The following NUBPL variants were observed in gnomAD, a reference collection of about 807,000 sequenced individuals.
NUBPL encodes NUBP iron-sulfur cluster assembly factor, mitochondrial.
A neutral mutation model predicts 45.7 loss-of-function variants in NUBPL; 31 were observed. The observed-to-expected ratio is 0.68, with a 90% CI of 0.51 to 0.92. The LOEUF (loss-of-function observed/expected upper bound fraction) is 0.92, where lower values mean the gene tolerates loss of function less well. Ranked by LOEUF, NUBPL falls within the 40% of genes least tolerant of loss-of-function variation. NUBPL has a pLI of 0.00. For synonymous variants in NUBPL, 144 were observed against 140.9 expected, an observed-to-expected ratio of 1.02 and a Z score of -0.15; for missense variants, 401 against 398.7, an observed-to-expected ratio of 1.01 and a Z score of -0.05.
rs780806870 is a variant in NUBPL at position 31,561,469 on chromosome 14, T to C, written c.30T>C (p.Phe10=). 6 of 1,416,808 alleles carry C rather than the reference T, an allele frequency of 4.2e-6. No individual in the cohort carries two copies. In the Admixed American group the frequency reaches 7.7e-5, roughly 18 times the overall value. 87.8% of individuals were successfully genotyped at this position (1,416,808 alleles called of 1,614,324 possible). Residue 10 remains phenylalanine (F), a synonymous_variant, in exon 1 of 11, where the codon TTT becomes TTC. Coordinates refer to ENST00000281081, the MANE Select transcript of NUBPL (RefSeq NM_025152.3). MGIWQRLLL[F]GGVSLRAGGG... ...GGATTTGGCAGCGTCTGCTGCTTTT[T>C]GGTGGGGTGTCGCTCCGGGCTGGTG...
intron 4 of NUBPL, among the ~76,000 whole-genome samples, chr14:31,658,961 A>G (rs965665381): frequency 6.6e-6 from 1 of 152,232 alleles, no homozygotes; most frequent in Non-Finnish European, 1.5e-5. Flanking sequence ...ATAAATAATC[A>G]TAGAGGATAA....
intron 4 of NUBPL, among the ~76,000 whole-genome samples, chr14:31,600,187 G>C (rs1456187182): frequency 6.6e-6 from 1 of 152,076 alleles, no homozygotes; most frequent in Non-Finnish European, 1.5e-5. Flanking sequence ...CTCAAAAAAT[G>C]CTGGGATTAC....
chr14:31,646,297 G>A (rs2035850634), intron 4 of NUBPL, among the ~76,000 whole-genome samples: 2 of 151,478 alleles, frequency 1.3e-5, no homozygotes. Flanking sequence ...GGCGATTCTT[G>A]TACCTCGGCC....
intron 7 of NUBPL, among the ~76,000 whole-genome samples, chr14:31,822,079 C>CA (rs908977939): frequency 8.7e-5 from 13 of 149,076 alleles, no homozygotes; most frequent in African/African-American, 2.2e-4. Context: ...CTAATGGGTA[C>CA]AAAAAAAAAT....
At chr14:31,711,362 A>T (rs566943042) in intron 6 of NUBPL, among the ~76,000 whole-genome samples, 29 of 152,282 alleles carry the variant, frequency 1.9e-4, no homozygotes, top group Non-Finnish European at 3.4e-4. Context: ...AGTAGCTTTT[A>T]ACTGGCCGAC....
intron 4 of NUBPL, among the ~76,000 whole-genome samples, chr14:31,664,360 T>C (rs1194637411): frequency 6.6e-6 from 1 of 152,218 alleles, no homozygotes; most frequent in Admixed American, 6.5e-5. Flanking sequence ...AGTGTGATAT[T>C]GGCTATGGAT....
intron 4 of NUBPL, among the ~76,000 whole-genome samples, chr14:31,629,773 A>T (rs747220826): frequency 7.9e-5 from 12 of 152,312 alleles, no homozygotes; most frequent in Admixed American, 3.9e-4. Flanking sequence ...CAAAGAGAAC[A>T]TGTCATACTT....
intron 3 of NUBPL, chr14:31,578,058 G>A (rs1289644952): frequency 9.3e-7 from 1 of 1,074,048 alleles, no homozygotes; most frequent in East Asian, 5.9e-5. Context: ...CACTTTGGCA[G>A]AATTCTCCAA....
At chr14:31,760,144 T>TGAGAGAGAGAGAGA (rs1555335613) in intron 6 of NUBPL, among the ~76,000 whole-genome samples, 2 of 34,824 alleles carry the variant, frequency 5.7e-5, no homozygotes, top group Non-Finnish European at 5.4e-5. Context: ...TGTGTGTGTG[T>TGAGAGAGAGAGAGA]GAGAGAGAGA....
intron 4 of NUBPL, among the ~76,000 whole-genome samples, chr14:31,641,375 A>G (rs1240720208): frequency 6.6e-6 from 1 of 151,892 alleles, no homozygotes; most frequent in East Asian, 1.9e-4. Flanking sequence ...ACTACTCTTT[A>G]TCTTCAACAA....
intron 7 of NUBPL, among the ~76,000 whole-genome samples, chr14:31,820,288 A>G (rs1310626156): frequency 6.6e-6 from 1 of 152,196 alleles, no homozygotes; most frequent in Non-Finnish European, 1.5e-5. Context: ...TACAGTCAGT[A>G]GAGAGAGCAC....
intron 4 of NUBPL, among the ~76,000 whole-genome samples, chr14:31,617,618 G>T (rs917399473): frequency 2.6e-5 from 4 of 152,188 alleles, no homozygotes; most frequent in African/African-American, 9.7e-5. Flanking sequence ...GCATCTCAGG[G>T]ATGAAGCTGA....
At chr14:31,648,877 T>C (rs1325628801) in intron 4 of NUBPL, among the ~76,000 whole-genome samples, 2 of 152,188 alleles carry the variant, frequency 1.3e-5, no homozygotes, top group Non-Finnish European at 2.9e-5. Flanking sequence ...GGTGCTATCT[T>C]GGCTCACTGC....
chr14:31,649,860 C>CA (rs1455306774), intron 4 of NUBPL, among the ~76,000 whole-genome samples: 3 of 152,042 alleles, frequency 2.0e-5, no homozygotes, highest in Non-Finnish European at 4.4e-5. Flanking sequence ...ATTAAAAATT[C>CA]ACTTTTTTTT....
chr14:31,668,647 G>A (rs560215463), intron 4 of NUBPL, among the ~76,000 whole-genome samples: 5 of 152,302 alleles, frequency 3.3e-5, no homozygotes, highest in Admixed American at 2.0e-4. Context: ...CCAAGCAGCT[G>A]CCCAGTTTTG....
At chr14:31,841,114 C>A (rs1176961259) in intron 8 of NUBPL, among the ~76,000 whole-genome samples, 1 of 152,114 alleles carries the variant, frequency 6.6e-6, no homozygotes, top group African/African-American at 2.4e-5. Context: ...AGTAGTTTTC[C>A]ATTTTTGACT....
intron 4 of NUBPL, among the ~76,000 whole-genome samples, chr14:31,668,838 C>T (rs745916521): frequency 1.4e-4 from 22 of 152,178 alleles, no homozygotes; most frequent in Non-Finnish European, 2.9e-4. Context: ...TGACACCCCA[C>T]GCTGCTTCTG....
chr14:31,584,832 G>C (rs2033953761), intron 3 of NUBPL, among the ~76,000 whole-genome samples: 1 of 152,156 alleles, frequency 6.6e-6, no homozygotes, highest in African/African-American at 2.4e-5. Context: ...TTGAGGGCCT[G>C]CTTCCTAGTT....
In NUBPL at chr14:31,751,715, C is replaced by T. The variant is rs115952082; in HGVS notation, c.514-36065C>T. On this transcript the variant is annotated intron_variant, in intron 6 of 10. Transcript: ENST00000281081. The stretch of plus-strand genomic sequence containing the variant: ...CTGGGGTCTGGAGAATAGTGGCCCT[C>T]TTCTCCCAGCTCCACTAGGCAGTGT... Among the ~76,000 whole-genome samples, 996 of 152,336 alleles carry T rather than the reference C, an allele frequency of 6.5e-3. 12 individuals carry two copies. Among genetic ancestry groups the T allele is most frequent in the African/African-American group, 0.022 (933 of 41,580 alleles).
Sources: allele counts gnomAD v4.1 joint callset (sites outside exome capture counted in the v4.1 genomes callset), GRCh38; gene constraint gnomAD v4.1.1; transcripts MANE v1.5; gene names NCBI Gene and HGNC (gene_info 2026-07-23, HGNC 2026-07-21).